Variants in CLASRP observed in about 807,000 individuals in gnomAD.
CLASRP encodes CLK4 associating serine/arginine rich protein.
In CLASRP, 52 loss-of-function variants were observed where a neutral mutation model predicts 99.9. The ratio of observed to expected loss-of-function variants is 0.52; its 90% CI spans 0.42 to 0.66. The LOEUF is 0.66. CLASRP is among the 30% of genes least tolerant of loss of function. The pLI is 0.00. For synonymous variants in CLASRP, 379 were observed against 373.0 expected (o/e 1.02, Z -0.18); for missense variants, 848 against 999.2 (o/e 0.85, Z 2.04).
chr19:45,047,701 T>A (rs1971948052), intron 2 of CLASRP: 2 of 152,176 alleles, frequency 1.3e-5, no homozygotes, highest in South Asian at 4.1e-4. Flanking sequence ...GTTCTAAAGC[T>A]CTGTTGCACC....
At chr19:45,040,402 C>T in intron 2 of CLASRP, 91 bp downstream of exon 2, 1 of 825,552 alleles carries the variant, frequency 1.2e-6, no homozygotes, top group East Asian at 2.7e-5. Flanking sequence ...GGAAGTATGT[C>T]AAGACAAGAG....
chr19:45,056,351 G>T, intron 5 of CLASRP, 99 bp from the exon 6 acceptor site: 6 of 982,060 alleles, frequency 6.1e-6, no homozygotes, highest in South Asian at 1.3e-5. Flanking sequence ...GTGCACTGGG[G>T]TTGCACCTGT....
chr19:45,055,637 C>T (rs1454445184), intron 5 of CLASRP, among the ~76,000 whole-genome samples: 1 of 152,082 alleles, frequency 6.6e-6, no homozygotes, highest in East Asian at 1.9e-4. Flanking sequence ...AGTTCGAGAC[C>T]AGCCTGACCA....
At chr19:45,047,224 A>G (rs1971935363) in intron 2 of CLASRP, among the ~76,000 whole-genome samples, 1 of 152,166 alleles carries the variant, frequency 6.6e-6, no homozygotes, top group African/African-American at 2.4e-5. Context: ...CCTATGCTAC[A>G]ATATCGATGA....
intron 2 of CLASRP, chr19:45,047,428 A>AG (rs1568412159): frequency 6.6e-6 from 1 of 151,522 alleles, no homozygotes; most frequent in African/African-American, 2.4e-5. Context: ...AAAAAAAAAA[A>AG]AAACAGAGAG....
chr19:45,043,564 A>G (rs1411461928), intron 2 of CLASRP, among the ~76,000 whole-genome samples: 17 of 152,134 alleles, frequency 1.1e-4, no homozygotes, highest in African/African-American at 3.6e-4. Context: ...GAATAAAACA[A>G]TATTAACAAT....
chr19:45,070,704 C>T (rs1967221798), intron 20 of CLASRP, 99 bp from the exon 21 acceptor site: 1 of 1,316,246 alleles, frequency 7.6e-7, no homozygotes, highest in Admixed American at 1.7e-5. Context: ...ACATCCTTCC[C>T]TCCACAGACA....
At chr19:45,044,266 G>C (rs931169849) in intron 2 of CLASRP, among the ~76,000 whole-genome samples, 2 of 152,234 alleles carry the variant, frequency 1.3e-5, no homozygotes, top group Admixed American at 1.3e-4. Flanking sequence ...AGGCCTGCGA[G>C]GTAGGTATTG....
At chr19:45,070,493 G>A in intron 19 of CLASRP, 44 bp from the exon 20 acceptor site, 1 of 1,602,176 alleles carries the variant, frequency 6.2e-7, no homozygotes, top group Non-Finnish European at 8.6e-7. Context: ...AGAGGCCCTG[G>A]CCCTGGATGT....
At chr19:45,045,440 C>T (rs1477351195) in intron 2 of CLASRP, among the ~76,000 whole-genome samples, 2 of 152,124 alleles carry the variant, frequency 1.3e-5, no homozygotes, top group African/African-American at 4.8e-5. Flanking sequence ...TCTCTTGAAC[C>T]CAGGAGGTGG....
rs563416480 is a variant in CLASRP at position 45,068,774 on chromosome 19, G to A, written c.1769-292G>A. Among the ~76,000 whole-genome samples, 147 of 152,108 alleles carry A rather than the reference G, an allele frequency of 9.7e-4. 1 individual carries two copies. Among genetic ancestry groups the A allele is most frequent in the Non-Finnish European group, 7.6e-4 (52 of 68,018 alleles). On this transcript the variant is annotated intron_variant, in intron 16 of 20. Transcript: ENST00000221455. ...AGCACTTTGGGAGGCCGAGGTGGGC[G>A]GATCACGAGGTCAGGAGATCGAGAC...
chr19:45,048,057 A>G (rs1173000395), intron 2 of CLASRP, among the ~76,000 whole-genome samples: 1 of 151,972 alleles, frequency 6.6e-6, no homozygotes, highest in Non-Finnish European at 1.5e-5. Context: ...CCTGGGCAAC[A>G]AGAGTGAAAC....
intron 2 of CLASRP, among the ~76,000 whole-genome samples, chr19:45,051,014 C>G (rs538406352): frequency 2.6e-4 from 39 of 151,932 alleles, no homozygotes; most frequent in African/African-American, 9.4e-4. Context: ...CCACTATGCC[C>G]GACCCACTGC....
chr19:45,064,561 C>G lies in CLASRP; in HGVS notation c.1340C>G (p.Ser447Cys). ...GGCCGGCGGCACTCAGGTGGGGGCT[C>G]CCGAGACGGACACCGGTACTCCCGC... is the stretch of plus-strand genomic sequence containing the variant. ...SRGRRHSGGG[S>C]RDGHRYSRSP... The change falls in exon 13 of 21, where the codon TCC (serine) becomes TGC (cysteine). Residue 447 changes from serine to cysteine, a missense_variant. Physicochemically the swap from Ser to Cys is moderately radical, Grantham distance 112. Around this residue, in one of 8 missense-constraint regions of CLASRP, gnomAD observed 489 missense variants for 434.7 expected, o/e 1.12. Coordinates refer to ENST00000221455, the MANE Select transcript of CLASRP (RefSeq NM_007056.3). 1 of 1,539,564 alleles carries G rather than the reference C, an allele frequency of 6.5e-7. No homozygotes were observed. Among genetic ancestry groups the G allele is most frequent in the Non-Finnish European group, 8.7e-7 (1 of 1,147,064 alleles).
At position 45,057,839 on chromosome 19, in the gene CLASRP, A is replaced by G. The variant is rs926466309; in HGVS notation, c.554A>G (p.Glu185Gly). 2.5e-6 allele frequency: 4 copies of G among 1,614,020 alleles called. No individual in the cohort carries two copies. Among genetic ancestry groups the G allele is most frequent in the Non-Finnish European group, 3.4e-6 (4 of 1,179,936 alleles). The change falls in exon 7 of 21, where the codon GAG (glutamate) becomes GGG (glycine). Residue 185 changes from glutamate (E) to glycine (G), a missense_variant. Glu to Gly is a moderately conservative substitution (Grantham distance 98). Around this residue, in one of 8 missense-constraint regions of CLASRP, gnomAD observed 119 missense variants for 170.2 expected, o/e 0.70. Transcript: ENST00000221455. ...VEKAAEKPEEEESAAEEESNS... is the reference protein window; with the variant it reads ...VEKAAEKPEEGESAAEEESNS... ...AAGGCGGCAGAAAAGCCAGAGGAGGAGGAGTCAGCGGCCGAGGAGGAGAGC... is the reference window on the plus strand; with the variant it reads ...AAGGCGGCAGAAAAGCCAGAGGAGGGGGAGTCAGCGGCCGAGGAGGAGAGC...
rs766206717 is a variant in CLASRP at position 45,064,132 on chromosome 19, C to T, written c.1026C>T (p.Ala342=). ...FGGSDEEAAA[A]AAAAAASGVT... ...GCAGCGATGAGGAGGCAGCCGCAGC[C>T]GCTGCTGCCGCAGCAGCATCAGGAG... Residue 342 remains alanine (A), a synonymous_variant, in exon 12 of 21, where the codon GCC becomes GCT. Transcript: ENST00000221455. 18 of 1,609,864 alleles carry T rather than the reference C, an allele frequency of 1.1e-5. No homozygotes were observed. The highest frequency in any genetic ancestry group is 1.4e-5 in the Non-Finnish European group (16 of 1,178,882).
At chr19:45,066,737 G>T (rs1967095821) in intron 13 of CLASRP, among the ~76,000 whole-genome samples, 1 of 151,962 alleles carries the variant, frequency 6.6e-6, no homozygotes, top group African/African-American at 2.4e-5. Flanking sequence ...CAGGAGAAAG[G>T]CTTGGGGGAC....
chr19:45,057,083 C>T (rs1677871054), intron 6 of CLASRP, among the ~76,000 whole-genome samples: 1 of 152,192 alleles, frequency 6.6e-6, no homozygotes, highest in Admixed American at 6.5e-5. Context: ...CGAGCAGTCT[C>T]ACTTCTCTCT....
At position 45,057,101 on chromosome 19, in the gene CLASRP, C is replaced by T. The variant is rs188159612; in HGVS notation, c.464+567C>T. On this transcript the variant is annotated intron_variant, in intron 6 of 20. Coordinates refer to ENST00000221455, the MANE Select transcript of CLASRP (RefSeq NM_007056.3). ...GCAGTCTCACTTCTCTCTTCTCCACCTCAGTCTGATGAGTGCAGGCCTCCC... is the reference window on the plus strand; with the variant it reads ...GCAGTCTCACTTCTCTCTTCTCCACTTCAGTCTGATGAGTGCAGGCCTCCC... Among the ~76,000 whole-genome samples, 8 of 152,314 alleles carry T rather than the reference C, an allele frequency of 5.3e-5. 1 individual carries two copies. In the East Asian group the frequency reaches 1.5e-3, roughly 29 times the overall value.
Sources: gnomAD v4.1 joint callset for allele counts (sites outside exome capture counted in the v4.1 genomes callset) on GRCh38, gnomAD v4.1.1 for gene constraint, gnomAD v4.1.1 regional missense constraint, MANE v1.5 for transcripts, NCBI Gene and HGNC (gene_info 2026-07-23, HGNC 2026-07-21) for gene names.